The following PREP variants were observed in gnomAD, a reference collection of about 807,000 sequenced individuals.
PREP encodes the protein prolyl endopeptidase, also known as dJ355L5.1 (prolyl endopeptidase).
A neutral mutation model predicts 87.6 loss-of-function variants in PREP; 29 were observed. The observed-to-expected ratio is 0.33, with a 90% CI of 0.25 to 0.45. The LOEUF is 0.45. Ranked by LOEUF, PREP falls within the 20% of genes least tolerant of loss-of-function variation. The probability of loss-of-function intolerance (pLI) is 1.00; values close to 1 mark genes in which losing one functional copy is unlikely to be tolerated. For missense variants in PREP, 695 were observed against 886.5 expected (o/e 0.78, Z 2.74); for synonymous variants, 337 against 328.6 (o/e 1.03, Z -0.28).
intron 6 of PREP, among the ~76,000 whole-genome samples, chr6:105,363,124 C>T (rs1028792): frequency 3.9e-5 from 6 of 152,084 alleles, no homozygotes; most frequent in Admixed American, 3.9e-4. Context: ...GGAGACACAA[C>T]AGATACTAAG....
At position 105,277,191 on chromosome 6, in the gene PREP, ATG is replaced by A. The variant is rs1769958876; in HGVS notation, c.*951_*952del. Among the ~76,000 whole-genome samples, 1 of 149,074 alleles carries A rather than the reference ATG, an allele frequency of 6.7e-6. No individual in the cohort carries two copies. Among genetic ancestry groups the A allele is most frequent in the Non-Finnish European group, 1.5e-5 (1 of 67,574 alleles). ...TTTTTTTTTTTTCCAGTAAGTAAGT[ATG>A]ACTATTTCTATTTCCAGGAGTGATC... On this transcript the variant is annotated 3_prime_UTR_variant, in exon 15 of 15. Transcript: ENST00000652536.
intron 2 of PREP, among the ~76,000 whole-genome samples, chr6:105,385,918 G>C (rs374409565): frequency 6.6e-6 from 1 of 152,150 alleles, no homozygotes; most frequent in African/African-American, 2.4e-5. Flanking sequence ...TCAGGAGATC[G>C]AGACCAGCCT....
chr6:105,402,879 G>C lies in PREP; in HGVS notation c.13C>G (p.Gln5Glu). Residue 5 changes from glutamine (Q) to glutamate (E), a missense_variant, in exon 1 of 15, where the codon CAG (glutamine) becomes GAG (glutamate). By Grantham distance (29) the Gln-to-Glu change is conservative. Transcript: ENST00000652536. ...TCGTCGCGGTACACGTCGGGGTACT[G>C]AAGGGACAGCATGGCCGGGGACAGG... MLSL[Q>E]YPDVYRDETA... 6.5e-7 allele frequency: 1 copy of C among 1,539,242 alleles called. No homozygotes were observed. The highest frequency in any genetic ancestry group is 8.8e-7 in the Non-Finnish European group (1 of 1,140,226).
chr6:105,301,972 G>A (rs1351170415), intron 10 of PREP, among the ~76,000 whole-genome samples: 3 of 152,212 alleles, frequency 2.0e-5, no homozygotes, highest in Non-Finnish European at 2.9e-5. Context: ...TGGATCTCGT[G>A]CTATGGCACT....
chr6:105,314,419 A>G, intron 10 of PREP, among the ~76,000 whole-genome samples: 1 of 152,230 alleles, frequency 6.6e-6, no homozygotes, highest in Non-Finnish European at 1.5e-5. Context: ...ACTGGTGTGA[A>G]GCCTCTCAAG....
intron 1 of PREP, among the ~76,000 whole-genome samples, chr6:105,399,690 T>C (rs1432792521): frequency 1.3e-5 from 2 of 152,226 alleles, no homozygotes; most frequent in Non-Finnish European, 2.9e-5. Context: ...CACCTTGAAG[T>C]GGTTATAAAA....
In PREP at chr6:105,398,079, A is replaced by G. The variant is rs112199448; in HGVS notation, c.46-152T>C. The G allele has an allele frequency of 9.8e-4, 616 of 630,736 alleles. 1 individual carries two copies. In the African/African-American group the frequency reaches 0.01, roughly 11 times the overall value. 39.1% of individuals were successfully genotyped at this position (630,736 alleles called of 1,614,324 possible). On this transcript the variant is annotated intron_variant, in intron 1 of 14. Coordinates refer to ENST00000652536, the MANE Select transcript of PREP (RefSeq NM_002726.5). ...GTCTGCCCAAATTACCACATGAACCAAAGTTGGCAGGTTCTCAAAGGTGTC... is the reference window on the plus strand; with the variant it reads ...GTCTGCCCAAATTACCACATGAACCGAAGTTGGCAGGTTCTCAAAGGTGTC...
At chr6:105,343,762 A>G (rs970633093) in intron 7 of PREP, among the ~76,000 whole-genome samples, 11 of 152,260 alleles carry the variant, frequency 7.2e-5, no homozygotes, top group Non-Finnish European at 1.0e-4. Context: ...CAAAAGACGC[A>G]TGAAAAAATG....
chr6:105,307,378 TCTC>T (rs1353279522), intron 10 of PREP, among the ~76,000 whole-genome samples: 2 of 152,088 alleles, frequency 1.3e-5, no homozygotes, highest in Non-Finnish European at 2.9e-5. Flanking sequence ...CTTAGATGCT[TCTC>T]CTTCTCCAGG....
chr6:105,370,737 G>GTAT (rs1772515582), intron 5 of PREP, among the ~76,000 whole-genome samples: 1 of 152,128 alleles, frequency 6.6e-6, no homozygotes, highest in African/African-American at 2.4e-5. Context: ...GAACTTAAAT[G>GTAT]TATTATCAGT....
intron 2 of PREP, among the ~76,000 whole-genome samples, chr6:105,385,308 A>G (rs1772963101): frequency 6.6e-6 from 1 of 151,650 alleles, no homozygotes; most frequent in Non-Finnish European, 1.5e-5. Flanking sequence ...AAAAAGAAAA[A>G]AAGCACATTT....
At chr6:105,302,569 A>G in intron 10 of PREP, 1 of 392,248 alleles carries the variant, frequency 2.5e-6, no homozygotes. Flanking sequence ...ATGTTTTCTC[A>G]GGCCGCAGGT....
intron 10 of PREP, chr6:105,302,807 G>T: frequency 2.3e-6 from 1 of 439,036 alleles, no homozygotes; most frequent in South Asian, 1.8e-5. Flanking sequence ...AAGGTCCCGA[G>T]ACTTGATCTT....
intron 10 of PREP, among the ~76,000 whole-genome samples, chr6:105,305,391 A>T (rs1477554194): frequency 1.3e-5 from 2 of 152,194 alleles, no homozygotes; most frequent in African/African-American, 4.8e-5. Flanking sequence ...TAAGGACAGC[A>T]TCAACAGAAG....
chr6:105,282,605 ATAGT>A (rs754200151), intron 12 of PREP, 23 bp from the exon 13 acceptor site: 33 of 1,604,146 alleles, frequency 2.1e-5, no homozygotes, highest in Admixed American at 3.5e-5. Context: ...AAAGTGGAAG[ATAGT>A]TAATTAACAA....
intron 8 of PREP, among the ~76,000 whole-genome samples, chr6:105,330,764 G>C (rs1210848729): frequency 1.3e-5 from 2 of 152,196 alleles, no homozygotes; most frequent in African/African-American, 2.4e-5. Flanking sequence ...CACATGAAAA[G>C]ATGTTGGAAA....
chr6:105,357,238 C>T (rs1772122699), intron 6 of PREP, among the ~76,000 whole-genome samples: 1 of 152,136 alleles, frequency 6.6e-6, no homozygotes, highest in African/African-American at 2.4e-5. Flanking sequence ...TTTAAATAAA[C>T]ACAGACTCTT....
intron 12 of PREP, among the ~76,000 whole-genome samples, chr6:105,283,779 A>T (rs1444326703): frequency 1.3e-5 from 2 of 152,344 alleles, no homozygotes; most frequent in Non-Finnish European, 2.9e-5. Flanking sequence ...AACATAGTCT[A>T]CTGTTAGCCT....
intron 10 of PREP, among the ~76,000 whole-genome samples, chr6:105,309,509 C>G (rs1770716679): frequency 6.6e-6 from 1 of 152,166 alleles, no homozygotes; most frequent in African/African-American, 2.4e-5. Context: ...GCCACCATAC[C>G]TGGCTAATTT....
Sources: allele counts gnomAD v4.1 joint callset (sites outside exome capture counted in the v4.1 genomes callset), GRCh38; gene constraint gnomAD v4.1.1; transcripts MANE v1.5; gene names NCBI Gene and HGNC (gene_info 2026-07-23, HGNC 2026-07-21).